The following NDST4 variants were observed in gnomAD, a reference collection of about 807,000 sequenced individuals.
NDST4 encodes N-deacetylase and N-sulfotransferase 4, also known as N-heparan sulfate sulfotransferase 4.
Under a neutral mutation model 100.8 loss-of-function variants are expected in NDST4, and 63 were observed. The ratio of observed to expected loss-of-function variants is 0.62; its 90% CI spans 0.51 to 0.77. NDST4 has a LOEUF of 0.77. Ranked by LOEUF, NDST4 falls within the 30% of genes least tolerant of loss-of-function variation. The probability of loss-of-function intolerance (pLI) is 0.00; values close to 1 mark genes in which losing one functional copy is unlikely to be tolerated. For synonymous variants in NDST4, 377 were observed against 361.8 expected (o/e 1.04, Z -0.48); for missense variants, 943 against 1,018.4 (o/e 0.93, Z 1.01).
chr4:115,049,881 T>A (rs1435529500), intron 2 of NDST4, among the ~76,000 whole-genome samples: 1 of 152,148 alleles, frequency 6.6e-6, no homozygotes, highest in Non-Finnish European at 1.5e-5. Flanking sequence ...AAATAATCAA[T>A]TTGTAGTTTT....
intron 12 of NDST4, among the ~76,000 whole-genome samples, chr4:114,831,236 T>C (rs975654178): frequency 6.7e-6 from 1 of 150,230 alleles, no homozygotes; most frequent in Non-Finnish European, 1.5e-5. Flanking sequence ...GTATTTTTAG[T>C]AGAGACGGGG....
chr4:115,078,196 C>T (rs983080535), intron 1 of NDST4, among the ~76,000 whole-genome samples: 1 of 152,060 alleles, frequency 6.6e-6, no homozygotes, highest in African/African-American at 2.4e-5. Context: ...GCAGGCTGTA[C>T]AGGAAGCATA....
intron 6 of NDST4, among the ~76,000 whole-genome samples, chr4:114,929,041 T>TGTCCGTCCGTCCGTCCGTCC (rs1227310987): frequency 2.5e-5 from 3 of 121,984 alleles, no homozygotes; most frequent in Admixed American, 8.5e-5. Flanking sequence ...TCTGTCTGTC[T>TGTCCGTCCGTCCGTCCGTCC]GTCCGTCCGT....
chr4:115,051,943 A>G (rs991186603), intron 2 of NDST4, among the ~76,000 whole-genome samples: 1 of 152,166 alleles, frequency 6.6e-6, no homozygotes, highest in African/African-American at 2.4e-5. Flanking sequence ...AAATATTGAC[A>G]TATCCACATC....
chr4:114,981,151 T>C (rs1460844499), intron 2 of NDST4, among the ~76,000 whole-genome samples: 1 of 151,430 alleles, frequency 6.6e-6, no homozygotes, highest in African/African-American at 2.4e-5. Context: ...GCCCAGGAGT[T>C]TGAGAGTACA....
At chr4:115,009,757 A>C (rs1468047509) in intron 2 of NDST4, among the ~76,000 whole-genome samples, 2 of 97,892 alleles carry the variant, frequency 2.0e-5, no homozygotes, top group Non-Finnish European at 4.0e-5. Flanking sequence ...CAACCTACAA[A>C]ATGGGAGAAA....
At chr4:114,903,253 C>G (rs1259383007) in intron 6 of NDST4, among the ~76,000 whole-genome samples, 1 of 152,052 alleles carries the variant, frequency 6.6e-6, no homozygotes, top group Non-Finnish European at 1.5e-5. Flanking sequence ...CTCTCGAGGA[C>G]AGAACTTGTT....
At chr4:114,938,186 A>C (rs1004079693) in intron 4 of NDST4, among the ~76,000 whole-genome samples, 1 of 152,190 alleles carries the variant, frequency 6.6e-6, no homozygotes, top group African/African-American at 2.4e-5. Context: ...TTATGGTCAG[A>C]TTCAAAGGCA....
At chr4:114,985,561 G>A (rs78274590) in intron 2 of NDST4, among the ~76,000 whole-genome samples, 4,078 of 152,146 alleles carry the variant, frequency 0.027, 124 homozygotes, top group African/African-American at 0.067. Context: ...AATAATGCAC[G>A]GAGAGGCTAC....
chr4:115,090,781 T>C (rs1729504287), intron 1 of NDST4, among the ~76,000 whole-genome samples: 1 of 152,052 alleles, frequency 6.6e-6, no homozygotes. Flanking sequence ...ACTAGATAAG[T>C]CCAGGGAGTA....
intron 2 of NDST4, among the ~76,000 whole-genome samples, chr4:115,031,315 G>A (rs1049072661): frequency 3.9e-5 from 6 of 152,058 alleles, no homozygotes; most frequent in African/African-American, 1.4e-4. Flanking sequence ...GGATAGATGA[G>A]TGGGAAAGGA....
At chr4:115,102,349 A>G (rs562874) in intron 1 of NDST4, among the ~76,000 whole-genome samples, 116,719 of 151,532 alleles carry the variant, frequency 0.77, 45,592 homozygotes, top group African/African-American at 0.89. Flanking sequence ...TGACTTATGC[A>G]TAAATAAAGG....
At chr4:114,973,795 A>C (rs13435021) in intron 3 of NDST4, among the ~76,000 whole-genome samples, 1 of 151,766 alleles carries the variant, frequency 6.6e-6, no homozygotes, top group Non-Finnish European at 1.5e-5. Context: ...TTTCTACCTT[A>C]TATTTGTGTA....
rs1208268193 is a variant in NDST4 at position 115,076,661 on chromosome 4, C to T, written c.376G>A (p.Gly126Arg). 1.9e-6 allele frequency: 3 copies of T among 1,613,862 alleles called. No homozygotes were observed. Among genetic ancestry groups the T allele is most frequent in the Non-Finnish European group, 2.5e-6 (3 of 1,179,922 alleles). ...TCATAAATAACTAAAGTATATTTCC[C>T]TTTGCCATTATCTGTAAGAGGAGGT... is the stretch of plus-strand genomic sequence containing the variant. Reference protein sequence around the residue: ...DIPPLTDNGKGKYTLVIYENI... With the variant: ...DIPPLTDNGKRKYTLVIYENI... Residue 126 changes from glycine to arginine, a missense_variant, in exon 2 of 14, where the codon GGG becomes AGG. Gly to Arg is a moderately radical substitution (Grantham distance 125, BLOSUM62 -2). Coordinates refer to ENST00000264363, the MANE Select transcript of NDST4 (RefSeq NM_022569.3).
rs1404978403 is a variant in NDST4, at chr4:114,888,226, TTTAA to T, written c.1537-17280_1537-17277del. ...CAAAATAAATAAATAAATAATTTAA[TTTAA>T]TTAAAATATATATATATATTTATTG... On this transcript the variant is annotated intron_variant, in intron 6 of 13. Coordinates refer to ENST00000264363, the MANE Select transcript of NDST4 (RefSeq NM_022569.3). 7.3e-5 allele frequency among the ~76,000 whole-genome samples: 11 copies of T among 150,590 alleles called. No homozygotes were observed. In the South Asian group the frequency reaches 2.3e-3, roughly 31 times the overall value.
chr4:115,003,261 G>T (rs1727337938), intron 2 of NDST4, among the ~76,000 whole-genome samples: 1 of 152,114 alleles, frequency 6.6e-6, no homozygotes, highest in Non-Finnish European at 1.5e-5. Flanking sequence ...GAAGAAAAAA[G>T]AATTCTAGAT....
chr4:114,997,315 C>T (rs114395915), intron 2 of NDST4, among the ~76,000 whole-genome samples: 388 of 152,040 alleles, frequency 2.6e-3, no homozygotes, highest in Middle Eastern at 0.02. Context: ...TTCTACTTCT[C>T]CTAGCATGTT....
chr4:114,874,154 TGTAA>T (rs965030829), intron 6 of NDST4, among the ~76,000 whole-genome samples: 16 of 152,286 alleles, frequency 1.1e-4, no homozygotes, highest in South Asian at 4.1e-4. Flanking sequence ...CTGACAAAAT[TGTAA>T]GTAAGAATAT....
chr4:115,009,284 A>G (rs1257176412), intron 2 of NDST4, among the ~76,000 whole-genome samples: 1 of 129,422 alleles, frequency 7.7e-6, no homozygotes, highest in Non-Finnish European at 1.7e-5. Flanking sequence ...ACTTCATACT[A>G]TACTACAAGG....
Sources: gnomAD v4.1 joint callset for allele counts (sites outside exome capture counted in the v4.1 genomes callset) on GRCh38, gnomAD v4.1.1 for gene constraint, MANE v1.5 for transcripts, NCBI Gene and HGNC (gene_info 2026-07-23, HGNC 2026-07-21) for gene names.